Variants in XPO1 observed in about 807,000 individuals in gnomAD.
XPO1 encodes the protein exportin 1, also known as exportin-1.
In XPO1, 5 loss-of-function variants were observed where a neutral mutation model predicts 133.3. The observed-to-expected ratio is 0.04, with a 90% CI of 0.02 to 0.08. XPO1 has a LOEUF of 0.08. XPO1 is among the 10% of genes least tolerant of loss of function. The pLI, the probability that XPO1 is intolerant of heterozygous loss-of-function variation, is 1.00. For missense variants in XPO1, 506 were observed against 1,267.5 expected (o/e 0.40, Z 9.12); for synonymous variants, 419 against 408.2 (o/e 1.03, Z -0.32).
chr2:61,488,982 G>A (rs1267846480), intron 17 of XPO1, among the ~76,000 whole-genome samples: 1 of 151,952 alleles, frequency 6.6e-6, no homozygotes, highest in East Asian at 1.9e-4. Flanking sequence ...GCCGCCTGTA[G>A]TCCCACCTAC....
intron 4 of XPO1, among the ~76,000 whole-genome samples, chr2:61,519,576 G>A (rs1216725863): frequency 6.7e-6 from 1 of 149,734 alleles, no homozygotes; most frequent in Non-Finnish European, 1.5e-5. Flanking sequence ...GCGGGTGCCT[G>A]TAGTCCCAGC....
chr2:61,501,946 C>A, intron 6 of XPO1, 50 bp downstream of exon 6: 2 of 1,475,490 alleles, frequency 1.4e-6, no homozygotes, highest in South Asian at 2.5e-5. Context: ...ACATTTTGTT[C>A]AAATAATAAG....
intron 1 of XPO1, chr2:61,536,795 AGAG>A (rs1245908777): frequency 6.6e-6 from 1 of 152,362 alleles, no homozygotes; most frequent in East Asian, 1.9e-4. Flanking sequence ...CGGCGTGATC[AGAG>A]GAGGTCCGGG....
intron 4 of XPO1, among the ~76,000 whole-genome samples, chr2:61,512,879 A>G (rs1698161055): frequency 6.6e-6 from 1 of 152,146 alleles, no homozygotes. Context: ...CATCTCTACT[A>G]AAAATACAAA....
At chr2:61,521,987 G>A (rs749705294) in intron 4 of XPO1, among the ~76,000 whole-genome samples, 7 of 152,154 alleles carry the variant, frequency 4.6e-5, no homozygotes, top group Middle Eastern at 3.4e-3. Context: ...CAAACTTCTG[G>A]CCTTAAATGA....
intron 12 of XPO1, 169 bp from the exon 13 acceptor site, chr2:61,493,222 G>A: frequency 1.8e-6 from 1 of 564,610 alleles, no homozygotes; most frequent in South Asian, 3.6e-5. Flanking sequence ...AAAAAGAACT[G>A]TTGTGGCCAG....
chr2:61,482,033 C>CTTTGTTTTTTTTTTTTTTT (rs1491506588), intron 23 of XPO1, among the ~76,000 whole-genome samples: 1 of 86,818 alleles, frequency 1.2e-5, no homozygotes, highest in Non-Finnish European at 2.5e-5. Context: ...CCGTGCGTGG[C>CTTTGTTTTTTTTTTTTTTT]CTTTTTTTTT....
At chr2:61,526,217 C>T in intron 3 of XPO1, 1 of 1,378,154 alleles carries the variant, frequency 7.3e-7, no homozygotes, top group Non-Finnish European at 9.3e-7. Flanking sequence ...ACCTTGCATA[C>T]TAGTCCCATT....
chr2:61,500,834 A>AG (rs1339939741), intron 6 of XPO1, among the ~76,000 whole-genome samples: 3 of 152,140 alleles, frequency 2.0e-5, no homozygotes, highest in Non-Finnish European at 2.9e-5. Context: ...AGGAGACTCA[A>AG]GGATTTAATT....
At chr2:61,502,221 C>T (rs760715633) in intron 5 of XPO1, 28 bp downstream of exon 5, 1 of 1,606,852 alleles carries the variant, frequency 6.2e-7, no homozygotes, top group Non-Finnish European at 8.5e-7. Context: ...TTTATGCTCT[C>T]CCAATAAGCT....
intron 4 of XPO1, among the ~76,000 whole-genome samples, chr2:61,509,435 T>A (rs1332776089): frequency 6.6e-6 from 1 of 152,070 alleles, no homozygotes; most frequent in Admixed American, 6.6e-5. Context: ...GAGACCAGCC[T>A]GACCAACATG....
intron 1 of XPO1, among the ~76,000 whole-genome samples, chr2:61,535,385 T>C (rs938821243): frequency 6.6e-6 from 1 of 151,994 alleles, no homozygotes; most frequent in African/African-American, 2.4e-5. Flanking sequence ...TTAGTGTATT[T>C]AGAACTAACA....
intron 4 of XPO1, among the ~76,000 whole-genome samples, chr2:61,505,643 C>G (rs1250663094): frequency 6.6e-6 from 1 of 152,126 alleles, no homozygotes; most frequent in African/African-American, 2.4e-5. Flanking sequence ...ACTGCAACCT[C>G]TGCCTTCCAG....
intron 4 of XPO1, among the ~76,000 whole-genome samples, chr2:61,510,375 T>G (rs753858722): frequency 6.6e-6 from 1 of 152,204 alleles, no homozygotes; most frequent in Non-Finnish European, 1.5e-5. Context: ...ATACAGGATA[T>G]TGTTACTACT....
chr2:61,520,617 C>A (rs559403643), intron 4 of XPO1, among the ~76,000 whole-genome samples: 1 of 152,230 alleles, frequency 6.6e-6, no homozygotes, highest in East Asian at 1.9e-4. Context: ...TGCACTCCAG[C>A]CTGAGGAACA....
Position 61,483,090 on chromosome 2 carries a change from G to C in XPO1, c.2679C>G (p.Gly893=). The change falls in exon 22 of 25, where the codon GGC becomes GGG. Residue 893 remains glycine, a splice_region_variant and synonymous_variant. Coordinates refer to ENST00000401558, the MANE Select transcript of XPO1 (RefSeq NM_003400.4). ...KHTMRNVADT[G]LQILFTLLQN... is the part of the protein sequence containing the mutation. ...GTAAGAGTGTAAAAAGTATCTGTAA[G>C]CCTAAAAGACATAGAATACCAATGG... The C allele has an allele frequency of 3.1e-6, 5 of 1,608,952 alleles. No individual in the cohort carries two copies. Among genetic ancestry groups the C allele is most frequent in the Non-Finnish European group, 4.2e-6 (5 of 1,177,864 alleles).
intron 4 of XPO1, among the ~76,000 whole-genome samples, chr2:61,514,102 G>A (rs1003300654): frequency 1.3e-5 from 2 of 151,384 alleles, no homozygotes; most frequent in Non-Finnish European, 1.5e-5. Flanking sequence ...CAGGAGAATC[G>A]CTTGAACCCA....
intron 2 of XPO1, among the ~76,000 whole-genome samples, chr2:61,530,974 C>G (rs1460734720): frequency 6.6e-6 from 1 of 152,072 alleles, no homozygotes; most frequent in Non-Finnish European, 1.5e-5. Context: ...CATAACTAAC[C>G]CTCCAATCTC....
At position 61,525,881 on chromosome 2, in the gene XPO1, C is replaced by T. The variant is rs75159236; in HGVS notation, c.228+539G>A. On this transcript the variant is annotated intron_variant, in intron 3 of 24. Coordinates refer to ENST00000401558, the MANE Select transcript of XPO1 (RefSeq NM_003400.4). Reference sequence around the variant, plus strand: ...TACTTTAAGGCAGTTTAAAGAGAAGCGTGAATCATCAAGCCTAAAACAGAC... The same window carrying T: ...TACTTTAAGGCAGTTTAAAGAGAAGTGTGAATCATCAAGCCTAAAACAGAC... 1.8e-4 allele frequency: 184 copies of T among 1,046,164 alleles called. 5 individuals carry two copies. In the East Asian group the frequency reaches 1.0e-2, roughly 57 times the overall value. The allele number at this position is 1,046,164 out of a possible 1,614,324, so 64.8% of individuals were successfully genotyped here.
Sources: allele counts gnomAD v4.1 joint callset (sites outside exome capture counted in the v4.1 genomes callset), GRCh38; gene constraint gnomAD v4.1.1; transcripts MANE v1.5; gene names NCBI Gene and HGNC (gene_info 2026-07-23, HGNC 2026-07-21).